ATG2B: variants seen among roughly 807,000 people sequenced by gnomAD.
ATG2B encodes the protein autophagy related 2B, also known as autophagy-related protein 2 homolog B.
ATG2B carries 121 observed loss-of-function variants against 241.3 expected under a neutral mutation model. The observed-to-expected ratio is 0.50, with a 90% confidence interval of 0.43 to 0.58. The LOEUF is 0.58. Among genes scored for constraint, ATG2B ranks in the 20% least tolerant of loss-of-function variants. ATG2B has a pLI of 0.00. For synonymous variants in ATG2B, 858 were observed against 876.6 expected (o/e 0.98, Z 0.37); for missense variants, 2,306 against 2,491.6 (o/e 0.93, Z 1.59).
chr14:96,310,814 C>T (rs1235998566), intron 28 of ATG2B, among the ~76,000 whole-genome samples: 1 of 151,980 alleles, frequency 6.6e-6, no homozygotes, highest in African/African-American at 2.4e-5. Context: ...TTGCATAGAA[C>T]AAGCTTTTGC....
In ATG2B at chr14:96,285,706, G is replaced by A. The variant is rs1886315214; in HGVS notation, c.*49C>T. 6.4e-7 allele frequency: 1 copy of A among 1,560,406 alleles called. No individual in the cohort carries two copies. The highest frequency in any genetic ancestry group is 2.3e-5 in the East Asian group (1 of 44,264). On this transcript the variant is annotated 3_prime_UTR_variant, in exon 42 of 42. Coordinates refer to ENST00000359933, the MANE Select transcript of ATG2B (RefSeq NM_018036.7). This position sits in a 1 kb window ranked among gnomAD's most constrained non-coding sequence, Gnocchi z 4.2. ...CCTCTGAAGCTGCTGTCAGGACTCT[G>A]AGCTCCTGGTTCCACTCTCCTTATC...
In ATG2B at chr14:96,311,288, C is replaced by G; in HGVS notation, c.3991-1G>C. 1 of 1,591,104 alleles carries G rather than the reference C, an allele frequency of 6.3e-7. No individual in the cohort carries two copies. Among genetic ancestry groups the G allele is most frequent in the Non-Finnish European group, 8.5e-7 (1 of 1,171,574 alleles). On this transcript the variant is annotated splice_acceptor_variant, in intron 27 of 41. Coordinates refer to ENST00000359933, the MANE Select transcript of ATG2B (RefSeq NM_018036.7). LOFTEE classifies it high-confidence loss of function. ...AGTGTAACTCAAAGCGGGGCTCAGTCTGGACAAGACACAGAAAAAGGGATG... is the reference window on the plus strand; with the variant it reads ...AGTGTAACTCAAAGCGGGGCTCAGTGTGGACAAGACACAGAAAAAGGGATG...
In ATG2B at chr14:96,331,669, A is replaced by G. The variant is rs1487827905; in HGVS notation, c.1469-32T>C. 4 of 1,478,250 alleles carry G rather than the reference A, an allele frequency of 2.7e-6. No homozygotes were observed. In the Admixed American group the frequency reaches 6.6e-5, roughly 24 times the overall value. The allele number at this position is 1,478,250 out of a possible 1,614,324, so 91.6% of individuals were successfully genotyped here. A position where few individuals can be genotyped will look rare whatever the true frequency, so the allele number is the denominator to read the frequency against. Reference sequence around the variant, plus strand: ...TACAAGTATTAAAATTATATACATAAAATTTGACACATAAAACTATTAAAA... The same window carrying G: ...TACAAGTATTAAAATTATATACATAGAATTTGACACATAAAACTATTAAAA... On this transcript the variant is annotated intron_variant, in intron 10 of 41. Transcript: ENST00000359933.
intron 25 of ATG2B, among the ~76,000 whole-genome samples, 200 bp downstream of exon 25, chr14:96,312,865 C>T (rs1887198915): frequency 6.6e-6 from 1 of 152,030 alleles, no homozygotes; most frequent in Non-Finnish European, 1.5e-5. Flanking sequence ...AATTTCTTCC[C>T]TAAAAATGAA....
chr14:96,308,235 T>TATATATATATATATAC (rs1566719589), intron 29 of ATG2B, among the ~76,000 whole-genome samples: 55 of 22,118 alleles, frequency 2.5e-3, no homozygotes, highest in Non-Finnish European at 4.9e-3. Context: ...TATATACATA[T>TATATATATATATATAC]ATATATATAT....
At chr14:96,304,699 AAAGT>A in intron 31 of ATG2B, 96 bp from the exon 32 acceptor site, 1 of 965,038 alleles carries the variant, frequency 1.0e-6, no homozygotes, top group Non-Finnish European at 1.6e-6. Flanking sequence ...GATGAAAGAC[AAAGT>A]AAGAGTACAG....
In ATG2B at chr14:96,315,558, C is replaced by T. The variant is rs767657505; in HGVS notation, c.3387G>A (p.Pro1129=). 144 of 1,613,806 alleles carry T rather than the reference C, an allele frequency of 8.9e-5. 1 individual carries two copies. The Middle Eastern group carries it at 2.0e-3, about 22-fold the overall frequency. Residue 1129 remains proline, a synonymous_variant, in exon 22 of 42, where the codon CCG becomes CCA. Coordinates refer to ENST00000359933, the MANE Select transcript of ATG2B (RefSeq NM_018036.7). ...HKGIVNGVIL[P]TETRLPSSTR... is the part of the protein sequence containing the mutation. ...TTGAGCTGGGAAGTCGTGTTTCTGTCGGGAGAATCACTCCATTCACTATGC... is the reference window on the plus strand; with the variant it reads ...TTGAGCTGGGAAGTCGTGTTTCTGTTGGGAGAATCACTCCATTCACTATGC...
At chr14:96,340,926 G>GAAAAA (rs34515724) in intron 6 of ATG2B, among the ~76,000 whole-genome samples, 3 of 112,972 alleles carry the variant, frequency 2.7e-5, no homozygotes, top group Non-Finnish European at 5.2e-5. Context: ...ACCCCATCTC[G>GAAAAA]AAAAAAAAAA....
chr14:96,324,205 T>C (rs1385961481), intron 15 of ATG2B: 3 of 532,442 alleles, frequency 5.6e-6, no homozygotes, highest in Middle Eastern at 5.0e-4. Flanking sequence ...CTCAAATTCT[T>C]AAGTACCAAG....
chr14:96,359,017 T>A (rs1208280773), intron 1 of ATG2B, among the ~76,000 whole-genome samples: 1 of 152,200 alleles, frequency 6.6e-6, no homozygotes, highest in African/African-American at 2.4e-5. Flanking sequence ...GAACTGAAGA[T>A]AATTTTATTA....
chr14:96,325,371 G>A lies in ATG2B; in HGVS notation c.2437+278C>T, dbSNP rs143564494. Among the ~76,000 whole-genome samples, 652 of 152,236 alleles carry A rather than the reference G, an allele frequency of 4.3e-3. 26 individuals carry two copies. In the South Asian group the frequency reaches 0.067, roughly 16 times the overall value. ...ATTATCAGTCCTACAATAAATAAAC[G>A]AGAGGTGGTAATAAAAATGTAGGCT... On this transcript the variant is annotated intron_variant, in intron 15 of 41. Transcript: ENST00000359933.
In ATG2B at chr14:96,345,504, T is replaced by C. The variant is rs1888148055; in HGVS notation, c.326-119A>G. 14 of 744,406 alleles carry C rather than the reference T, an allele frequency of 1.9e-5. No homozygotes were observed. The South Asian group carries it at 3.4e-4, about 18-fold the overall frequency. The allele number at this position is 744,406 out of a possible 1,614,324, so 46.1% of individuals were successfully genotyped here. On this transcript the variant is annotated intron_variant, in intron 2 of 41. Coordinates refer to ENST00000359933, the MANE Select transcript of ATG2B (RefSeq NM_018036.7). ...ATCTTTTAAGAGATTTTTAACATCA[T>C]GATGTTACCCAGGTAAACAATATTC...
intron 19 of ATG2B, 130 bp downstream of exon 19, chr14:96,317,568 T>C: frequency 1.3e-6 from 1 of 785,990 alleles, no homozygotes; most frequent in East Asian, 2.8e-5. Flanking sequence ...TTCTTATAAA[T>C]TACTAAAAGA....
chr14:96,282,879 T>G lies in ATG2B; in HGVS notation c.*2876A>C, dbSNP rs1448793901. On this transcript the variant is annotated 3_prime_UTR_variant, in exon 42 of 42. Transcript: ENST00000359933. ...CACCAGTTTTTAGTATTTTGCCATC[T>G]TAGGCACACTGCTACTTGGAAAGAT... 2 of 152,254 alleles carry G rather than the reference T, an allele frequency of 1.3e-5. No homozygotes were observed. Among genetic ancestry groups the G allele is most frequent in the Non-Finnish European group, 2.9e-5 (2 of 68,042 alleles). The allele number at this position is 152,254 out of a possible 1,614,324, so 9.4% of individuals were successfully genotyped here. A position where few individuals can be genotyped will look rare whatever the true frequency, so the allele number is the denominator to read the frequency against.
In ATG2B at chr14:96,331,467, T is replaced by A. The variant is rs532785289; in HGVS notation, c.1639A>T (p.Ile547Leu). ...TPMAVAFFTC[I>L]EKIDPARFST... The stretch of plus-strand genomic sequence containing the variant: ...AATCTTGCTGGATCAATCTTTTCTA[T>A]ACAAGTAAAGAAAGCTACTGCCATA... The change falls in exon 11 of 42, where the codon ATA (isoleucine) becomes TTA (leucine). Residue 547 changes from isoleucine (I) to leucine (L), a missense_variant. By Grantham distance (5) the Ile-to-Leu change is conservative. Coordinates refer to ENST00000359933, the MANE Select transcript of ATG2B (RefSeq NM_018036.7). The A allele has an allele frequency of 6.2e-7, 1 of 1,613,930 alleles. No homozygotes were observed. The highest frequency in any genetic ancestry group is 8.5e-7 in the Non-Finnish European group (1 of 1,179,948).
At chr14:96,304,435 C>G in intron 32 of ATG2B, 60 bp downstream of exon 32, 1 of 1,326,034 alleles carries the variant, frequency 7.5e-7, no homozygotes, top group South Asian at 1.2e-5. Flanking sequence ...TGGGGGATAA[C>G]AAAAGAACCC....
intron 1 of ATG2B, among the ~76,000 whole-genome samples, chr14:96,354,413 A>C (rs1401524037): frequency 1.3e-5 from 2 of 152,176 alleles, no homozygotes; most frequent in African/African-American, 4.8e-5. Flanking sequence ...GCCAAGGATA[A>C]CGGCTTCCAG....
intron 24 of ATG2B, 45 bp downstream of exon 24, chr14:96,313,284 T>C (rs1164218349): frequency 4.2e-6 from 6 of 1,443,672 alleles, no homozygotes; most frequent in Non-Finnish European, 5.7e-6. Context: ...CAAAATTTAG[T>C]AGCATTTTAA....
intron 34 of ATG2B, among the ~76,000 whole-genome samples, chr14:96,299,158 G>A (rs1886723962): frequency 6.6e-6 from 1 of 152,136 alleles, no homozygotes; most frequent in Non-Finnish European, 1.5e-5. Context: ...TTCCTTAGCA[G>A]AATGGTCTCC....
Sources: gnomAD v4.1 joint callset for allele counts (sites outside exome capture counted in the v4.1 genomes callset) on GRCh38, gnomAD v4.1.1 for gene constraint, Gnocchi (gnomAD v3.1) non-coding constraint, MANE v1.5 for transcripts, NCBI Gene and HGNC (gene_info 2026-07-23, HGNC 2026-07-21) for gene names.